CPNE5: variants seen among roughly 807,000 people sequenced by gnomAD.
CPNE5 encodes copine-5.
Under a neutral mutation model 81.1 loss-of-function variants are expected in CPNE5, and 42 were observed. That is an observed-to-expected ratio of 0.52 (90% confidence interval 0.40 to 0.67). The LOEUF is 0.67. Among genes scored for constraint, CPNE5 ranks in the 30% least tolerant of loss-of-function variants. The pLI is 0.00. For missense variants in CPNE5, 612 were observed against 815.5 expected (o/e 0.75, Z 3.04); for synonymous variants, 313 against 321.5 (o/e 0.97, Z 0.28).
At chr6:36,762,527 C>A (rs1766147948) in intron 12 of CPNE5, among the ~76,000 whole-genome samples, 1 of 152,112 alleles carries the variant, frequency 6.6e-6, no homozygotes, top group Non-Finnish European at 1.5e-5. Flanking sequence ...CTCAGCAGGC[C>A]CTGAAACTGT....
intron 10 of CPNE5, among the ~76,000 whole-genome samples, chr6:36,769,545 A>G (rs1766873550): frequency 6.6e-6 from 1 of 152,214 alleles, no homozygotes. Context: ...TGCGGCTTAC[A>G]AGTCCCGAGG....
At chr6:36,837,600 AG>A in intron 1 of CPNE5, among the ~76,000 whole-genome samples, 1 of 152,170 alleles carries the variant, frequency 6.6e-6, no homozygotes, top group Non-Finnish European at 1.5e-5. Context: ...CTGAGTACCT[AG>A]GGCCCACGGG....
At chr6:36,748,640 C>T (rs13209922) in intron 14 of CPNE5, among the ~76,000 whole-genome samples, 27,938 of 151,898 alleles carry the variant, frequency 0.18, 2,656 homozygotes, top group African/African-American at 0.23. Context: ...AGATTCAGGA[C>T]GAAAACTCAT....
At chr6:36,754,735 AAAGT>A (rs1380964479) in intron 13 of CPNE5, 1 of 152,252 alleles carries the variant, frequency 6.6e-6, no homozygotes, top group African/African-American at 2.4e-5. Context: ...CTTCGTCTCT[AAAGT>A]AAGAAGGCTG....
intron 3 of CPNE5, among the ~76,000 whole-genome samples, chr6:36,812,373 G>A (rs1251017950): frequency 6.6e-6 from 1 of 152,166 alleles, no homozygotes; most frequent in Non-Finnish European, 1.5e-5. Flanking sequence ...GGGAAGGAAA[G>A]GGATAGAGCC....
chr6:36,822,401 G>A (rs898682893), intron 2 of CPNE5, among the ~76,000 whole-genome samples: 5 of 152,086 alleles, frequency 3.3e-5, no homozygotes, highest in African/African-American at 7.2e-5. Flanking sequence ...TAGATGCACC[G>A]ATTCGGAGGG....
rs1213457190 is a variant in CPNE5, at chr6:36,839,436, G to C, written c.-59C>G. 2.2e-6 allele frequency: 3 copies of C among 1,381,228 alleles called. No homozygotes were observed. In the Admixed American group the frequency reaches 6.4e-5, roughly 30 times the overall value. 85.6% of individuals were successfully genotyped at this position (1,381,228 alleles called of 1,614,324 possible). On this transcript the variant is annotated 5_prime_UTR_variant, in exon 1 of 21. Coordinates refer to ENST00000244751, the MANE Select transcript of CPNE5 (RefSeq NM_020939.2). The surrounding 1 kb of genome is among the most constrained non-coding windows in gnomAD (Gnocchi z 7.3). ...TCCCTGCGCGATTCACGCCTCCTCC[G>C]GAGCGACTGGAGCCCTGGGCTCTCC... is the stretch of plus-strand genomic sequence containing the variant.
At chr6:36,754,139 G>A (rs1765137723) in intron 13 of CPNE5, 1 of 152,190 alleles carries the variant, frequency 6.6e-6, no homozygotes, top group African/African-American at 2.4e-5. Flanking sequence ...ATGCCCTGGG[G>A]GCTCTTAGAT....
At chr6:36,759,180 G>A (rs1236274639) in intron 12 of CPNE5, among the ~76,000 whole-genome samples, 2 of 152,180 alleles carry the variant, frequency 1.3e-5, no homozygotes, top group Non-Finnish European at 2.9e-5. Flanking sequence ...AGCTTTCTAT[G>A]TTATCTTTAA....
chr6:36,763,200 C>T (rs559511548), intron 11 of CPNE5, among the ~76,000 whole-genome samples: 45 of 152,354 alleles, frequency 3.0e-4, no homozygotes, highest in Middle Eastern at 6.8e-3. Flanking sequence ...CAGTAAAGAG[C>T]AGGGCCCTGG....
intron 3 of CPNE5, among the ~76,000 whole-genome samples, chr6:36,816,018 T>C (rs1476505150): frequency 1.3e-5 from 2 of 152,224 alleles, no homozygotes; most frequent in African/African-American, 2.4e-5. Context: ...ATCATGTCCC[T>C]CTTCCCAGTG....
Position 36,748,247 on chromosome 6 carries a change from A to G in CPNE5, c.992T>C (p.Val331Ala). 1 of 1,614,146 alleles carries G rather than the reference A, an allele frequency of 6.2e-7. No individual in the cohort carries two copies. The highest frequency in any genetic ancestry group is 8.5e-7 in the Non-Finnish European group (1 of 1,180,006). Residue 331 changes from valine to alanine, a missense_variant, in exon 15 of 21, where the codon GTG (valine) becomes GCG (alanine). Coordinates refer to ENST00000244751, the MANE Select transcript of CPNE5 (RefSeq NM_020939.2). ...IKGGTQINFT[V>A]AIDFTASNGN... Reference sequence around the variant, plus strand: ...ATTGGAGGCAGTGAAATCAATGGCCACAGTGAAGTTGATCTGGGTCCTAGA... The same window carrying G: ...ATTGGAGGCAGTGAAATCAATGGCCGCAGTGAAGTTGATCTGGGTCCTAGA...
In CPNE5 at chr6:36,742,136, A is replaced by T; in HGVS notation, c.*132T>A. 1.5e-6 allele frequency: 1 copy of T among 657,486 alleles called. No homozygotes were observed. Among genetic ancestry groups the T allele is most frequent in the Non-Finnish European group, 2.5e-6 (1 of 398,482 alleles). The allele number at this position is 657,486 out of a possible 1,614,324, so 40.7% of individuals were successfully genotyped here. A position where few individuals can be genotyped will look rare whatever the true frequency, so the allele number is the denominator to read the frequency against. On this transcript the variant is annotated 3_prime_UTR_variant, in exon 21 of 21. Coordinates refer to ENST00000244751, the MANE Select transcript of CPNE5 (RefSeq NM_020939.2). The stretch of plus-strand genomic sequence containing the variant: ...TTGAGGAGGGGTCTTCAGAAGCCCC[A>T]CCCCCTGGCAGCCTCCCAGGCACAC...
intron 12 of CPNE5, among the ~76,000 whole-genome samples, chr6:36,761,460 A>G (rs151123352): frequency 6.6e-6 from 1 of 152,234 alleles, no homozygotes; most frequent in Non-Finnish European, 1.5e-5. Flanking sequence ...TAGTTGGAAC[A>G]CAAGACCTGC....
At chr6:36,826,722 T>G (rs1055800743) in intron 1 of CPNE5, among the ~76,000 whole-genome samples, 1 of 152,124 alleles carries the variant, frequency 6.6e-6, no homozygotes, top group South Asian at 2.1e-4. Flanking sequence ...AATGGCCAGA[T>G]GGGTGAGCGA....
chr6:36,827,832 G>GTGCTCTCCAAA, intron 1 of CPNE5: 1 of 863,710 alleles, frequency 1.2e-6, no homozygotes, highest in Non-Finnish European at 1.4e-6. Context: ...TTCTTTCTTT[G>GTGCTCTCCAAA]GAGAGCACAA....
intron 7 of CPNE5, chr6:36,792,560 G>A (rs184399183): frequency 1.0e-5 from 5 of 480,208 alleles, no homozygotes; most frequent in Non-Finnish European, 2.0e-5. Context: ...AGGGAGGAAG[G>A]CAGGAGGGCT....
At chr6:36,812,868 T>C (rs1771220678) in intron 3 of CPNE5, among the ~76,000 whole-genome samples, 1 of 152,216 alleles carries the variant, frequency 6.6e-6, no homozygotes. Flanking sequence ...TACCCCAAGC[T>C]TGCCTTGGAG....
intron 3 of CPNE5, 48 bp from the exon 4 acceptor site, chr6:36,800,118 C>G (rs369280117): frequency 7.1e-7 from 1 of 1,415,246 alleles, no homozygotes; most frequent in Non-Finnish European, 9.8e-7. Flanking sequence ...CTGGTGGGGC[C>G]GGCTGGTGGG....
Sources: allele counts gnomAD v4.1 joint callset (sites outside exome capture counted in the v4.1 genomes callset), GRCh38; gene constraint gnomAD v4.1.1; non-coding constraint Gnocchi (gnomAD v3.1); transcripts MANE v1.5; gene names NCBI Gene and HGNC (gene_info 2026-07-23, HGNC 2026-07-21).